Variants in SRPK2 observed in about 807,000 individuals in gnomAD.
SRPK2 encodes the protein SFRS protein kinase 2.
Under a neutral mutation model 90.8 loss-of-function variants are expected in SRPK2, and 21 were observed. The ratio of observed to expected loss-of-function variants is 0.23; its 90% CI spans 0.16 to 0.33. The LOEUF (loss-of-function observed/expected upper bound fraction) is 0.33. Among genes scored for constraint, SRPK2 ranks in the 10% least tolerant of loss-of-function variants. SRPK2 has a pLI of 1.00. For missense variants in SRPK2, 620 were observed against 869.0 expected, an observed-to-expected ratio of 0.71 and a Z score of 3.60; for synonymous variants, 288 against 311.1, an observed-to-expected ratio of 0.93 and a Z score of 0.78.
chr7:105,279,020 A>C (rs1032645163), intron 2 of SRPK2, among the ~76,000 whole-genome samples: 6 of 152,160 alleles, frequency 3.9e-5, no homozygotes, highest in Non-Finnish European at 7.3e-5. Context: ...GCTTACTTTC[A>C]GATTGTGATT....
intron 1 of SRPK2, among the ~76,000 whole-genome samples, chr7:105,396,760 AAGAG>A (rs914983818): frequency 5.6e-5 from 8 of 142,494 alleles, no homozygotes; most frequent in Non-Finnish European, 9.0e-5. Context: ...GAGGAGAGGA[AAGAG>A]AGAGAAAGAA....
intron 2 of SRPK2, among the ~76,000 whole-genome samples, chr7:105,303,803 A>G (rs1483620904): frequency 2.0e-5 from 3 of 152,204 alleles, no homozygotes; most frequent in South Asian, 2.1e-4. Flanking sequence ...GTTACATAGT[A>G]AAAAAACAAA....
chr7:105,368,208 T>G (rs1819296736), intron 2 of SRPK2, among the ~76,000 whole-genome samples: 1 of 152,182 alleles, frequency 6.6e-6, no homozygotes, highest in Non-Finnish European at 1.5e-5. Context: ...TTTTTAAAGC[T>G]AAAGTAAAAA....
intron 6 of SRPK2, among the ~76,000 whole-genome samples, chr7:105,165,072 G>C (rs1439872775): frequency 1.3e-5 from 2 of 152,148 alleles, no homozygotes; most frequent in African/African-American, 2.4e-5. Flanking sequence ...GACACTGAAG[G>C]CATCATCTCT....
chr7:105,308,246 A>G (rs981427411), intron 2 of SRPK2, among the ~76,000 whole-genome samples: 4 of 152,228 alleles, frequency 2.6e-5, no homozygotes, highest in Non-Finnish European at 5.9e-5. Context: ...AACCAACTGT[A>G]AAACAGACTG....
At chr7:105,284,572 G>A (rs1210862459) in intron 2 of SRPK2, among the ~76,000 whole-genome samples, 1 of 152,126 alleles carries the variant, frequency 6.6e-6, no homozygotes, top group Non-Finnish European at 1.5e-5. Context: ...ATCATGCTGG[G>A]GGAAAAATAT....
chr7:105,135,347 G>T (rs371881921), intron 11 of SRPK2, among the ~76,000 whole-genome samples: 1 of 152,082 alleles, frequency 6.6e-6, no homozygotes, highest in Non-Finnish European at 1.5e-5. Flanking sequence ...GCATCTGGGC[G>T]CCTGGCCAGA....
intron 3 of SRPK2, among the ~76,000 whole-genome samples, chr7:105,195,459 C>T (rs527728259): frequency 7.9e-5 from 12 of 152,328 alleles, no homozygotes; most frequent in African/African-American, 2.9e-4. Context: ...TGAAGTGATG[C>T]TTTAAAGTTA....
rs62484667 is a variant in SRPK2 at position 105,216,656 on chromosome 7, A to C, written c.72-12871T>G. On this transcript the variant is annotated intron_variant, in intron 2 of 15. Coordinates refer to ENST00000393651, the MANE Select transcript of SRPK2 (RefSeq NM_182692.3). ...GGCAACAGAATGAGACCCTGTCTCCAAAAAAAAAAAAAAAGAGAGAGAGAG... is the reference window on the plus strand; with the variant it reads ...GGCAACAGAATGAGACCCTGTCTCCCAAAAAAAAAAAAAAGAGAGAGAGAG... Among the ~76,000 whole-genome samples, 7 of 17,240 alleles carry C rather than the reference A, an allele frequency of 4.1e-4. No individual in the cohort carries two copies. The Non-Finnish European group carries it at 4.1e-3, about 10-fold the overall frequency. The allele number at this position is 17,240 out of a possible 152,430, so 11.3% of individuals were successfully genotyped here.
At chr7:105,382,121 T>C (rs1204128908) in intron 2 of SRPK2, among the ~76,000 whole-genome samples, 11 of 151,700 alleles carry the variant, frequency 7.3e-5, no homozygotes, top group Middle Eastern at 3.4e-3. Flanking sequence ...TGAGCCATGA[T>C]TGCGCCAGTG....
At chr7:105,205,688 G>T (rs1045715262) in intron 2 of SRPK2, among the ~76,000 whole-genome samples, 1 of 152,092 alleles carries the variant, frequency 6.6e-6, no homozygotes, top group Non-Finnish European at 1.5e-5. Flanking sequence ...AAAGTGGAAT[G>T]GTCCCAGGCA....
At chr7:105,196,396 A>C (rs1794918856) in intron 3 of SRPK2, among the ~76,000 whole-genome samples, 1 of 152,234 alleles carries the variant, frequency 6.6e-6, no homozygotes, top group Admixed American at 6.5e-5. Context: ...CAGCCACACA[A>C]CACCATTTTA....
Position 105,363,166 on chromosome 7 carries a change from C to T in SRPK2, c.71+25482G>A, listed in dbSNP as rs1818630176. On this transcript the variant is annotated intron_variant, in intron 2 of 15. Transcript: ENST00000393651. ...TAAAGCTGCACGTTGTGCACATGTA[C>T]CCTAGAACTTAAAGTATAATAAAAA... Among the ~76,000 whole-genome samples, 3 of 151,650 alleles carry T rather than the reference C, an allele frequency of 2.0e-5. No individual in the cohort carries two copies. The South Asian group carries it at 6.2e-4, about 32-fold the overall frequency.
At chr7:105,354,662 CCTG>C (rs903788091) in intron 2 of SRPK2, among the ~76,000 whole-genome samples, 10 of 152,302 alleles carry the variant, frequency 6.6e-5, no homozygotes, top group Admixed American at 5.2e-4. Context: ...CTGGTCTCTA[CCTG>C]CTGGCTGGGA....
At chr7:105,176,879 C>T (rs1792022862) in intron 3 of SRPK2, among the ~76,000 whole-genome samples, 1 of 152,102 alleles carries the variant, frequency 6.6e-6, no homozygotes, top group South Asian at 2.1e-4. Flanking sequence ...AGGTGATCCG[C>T]CTGCCCCGGC....
intron 2 of SRPK2, among the ~76,000 whole-genome samples, chr7:105,311,198 A>G (rs1811671299): frequency 6.7e-6 from 1 of 149,150 alleles, no homozygotes; most frequent in African/African-American, 2.4e-5. Flanking sequence ...CCAACAAAAA[A>G]ATAAATAACC....
chr7:105,261,442 ACC>A (rs1804273672), intron 2 of SRPK2, among the ~76,000 whole-genome samples: 1 of 151,808 alleles, frequency 6.6e-6, no homozygotes, highest in African/African-American at 2.4e-5. Context: ...AATGGCGTGA[ACC>A]TGGGAGGCGG....
chr7:105,118,013 CGCA>C lies in SRPK2; in HGVS notation c.1922_1924del (p.Leu641del). 6.2e-7 allele frequency: 1 copy of C among 1,613,846 alleles called. No individual in the cohort carries two copies. The highest frequency in any genetic ancestry group is 8.5e-7 in the Non-Finnish European group (1 of 1,179,842). On this transcript the variant is annotated inframe_deletion, in exon 16 of 16. Transcript: ENST00000393651. ...CCAGGGCTTCAGCTTGGTGATGTGT[CGCA>C]GTTCTCCTACAGGGGAAAAAACAGG...
chr7:105,204,899 G>A (rs1796003680), intron 2 of SRPK2: 1 of 393,592 alleles, frequency 2.5e-6, no homozygotes, highest in Non-Finnish European at 4.8e-6. Flanking sequence ...GTTATTGCTA[G>A]ATTTCCTTTT....
Sources: gnomAD v4.1 joint callset for allele counts (sites outside exome capture counted in the v4.1 genomes callset) on GRCh38, gnomAD v4.1.1 for gene constraint, MANE v1.5 for transcripts, NCBI Gene and HGNC (gene_info 2026-07-23, HGNC 2026-07-21) for gene names.